The following BAHCC1 variants were observed in gnomAD, a reference collection of about 807,000 sequenced individuals.
The protein encoded by BAHCC1 is BAH and coiled-coil domain-containing protein 1.
BAHCC1 carries 43 observed loss-of-function variants against 88.2 expected under a neutral mutation model. The observed-to-expected ratio is 0.49, with a 90% confidence interval of 0.38 to 0.63. The LOEUF is 0.63. Ranked by LOEUF, BAHCC1 falls within the 20% of genes least tolerant of loss-of-function variation. BAHCC1 has a pLI of 0.00. For missense variants in BAHCC1, 3,023 were observed against 1,654.8 expected (o/e 1.83, Z -14.34); for synonymous variants, 1,510 against 745.5 (o/e 2.03, Z -16.71).
chr17:81,426,020 G>T (rs1375757753), intron 2 of BAHCC1, among the ~76,000 whole-genome samples: 4 of 147,824 alleles, frequency 2.7e-5, no homozygotes, highest in Non-Finnish European at 6.0e-5. Context: ...GTGATGGTGG[G>T]TGATGTGGTT....
At chr17:81,410,015 TG>T in intron 2 of BAHCC1, 1 of 268,762 alleles carries the variant, frequency 3.7e-6, no homozygotes, top group Non-Finnish European at 8.0e-6. Flanking sequence ...TGGGGATCGG[TG>T]GCCCCTGCTC....
intron 3 of BAHCC1, among the ~76,000 whole-genome samples, chr17:81,433,664 C>T (rs1396073206): frequency 6.7e-6 from 1 of 148,958 alleles, no homozygotes; most frequent in African/African-American, 2.5e-5. Context: ...GTCATCAGTC[C>T]ACCGAGGCCC....
chr17:81,447,711 A>G lies in BAHCC1; in HGVS notation c.3839A>G (p.Asp1280Gly). The G allele has an allele frequency of 2.7e-6, 2 of 734,360 alleles. No individual in the cohort carries two copies. 45.5% of individuals were successfully genotyped at this position (734,360 alleles called of 1,614,324 possible). Residue 1280 changes from aspartate to glycine, a missense_variant, in exon 11 of 28, where the codon GAC becomes GGC. Physicochemically the swap from Asp to Gly is moderately conservative, Grantham distance 94. Coordinates refer to ENST00000675386, the MANE Select transcript of BAHCC1 (RefSeq NM_001377448.1). ...LGDLPSDSPP[D>G]PQPPAASGPP... ...GACCTGCCCAGCGACAGCCCACCGG[A>G]CCCTCAGCCCCCAGCGGCCTCTGGG... is the stretch of plus-strand genomic sequence containing the variant.
chr17:81,419,701 C>T (rs1279168337), intron 2 of BAHCC1, among the ~76,000 whole-genome samples: 7 of 151,538 alleles, frequency 4.6e-5, no homozygotes, highest in Non-Finnish European at 8.8e-5. Flanking sequence ...GCCAGCAGCC[C>T]GGCAGCTGGG....
At chr17:81,404,069 C>T (rs1555646511) in intron 2 of BAHCC1, among the ~76,000 whole-genome samples, 1 of 152,202 alleles carries the variant, frequency 6.6e-6, no homozygotes, top group African/African-American at 2.4e-5. Context: ...AAACGTTCCC[C>T]GGTTATTCTT....
chr17:81,459,627 G>A lies in BAHCC1; in HGVS notation c.5905+23G>A, dbSNP rs781913940. The A allele has an allele frequency of 3.9e-5, 30 of 779,138 alleles. 1 individual carries two copies. Among genetic ancestry groups the A allele is most frequent in the South Asian group, 3.6e-4 (27 of 74,596 alleles). The allele number at this position is 779,138 out of a possible 1,614,324, so 48.3% of individuals were successfully genotyped here. Reference sequence around the variant, plus strand: ...GGGGTAAGTTGCACCCAAAGCGGGGGCTGGGGCAGGCCCCTCTGAGACCCA... The same window carrying A: ...GGGGTAAGTTGCACCCAAAGCGGGGACTGGGGCAGGCCCCTCTGAGACCCA... On this transcript the variant is annotated intron_variant, in intron 23 of 27. Coordinates refer to ENST00000675386, the MANE Select transcript of BAHCC1 (RefSeq NM_001377448.1).
At chr17:81,452,995 C>G in intron 14 of BAHCC1, 144 bp downstream of exon 14, 1 of 566,640 alleles carries the variant, frequency 1.8e-6, no homozygotes, top group Non-Finnish European at 3.1e-6. Flanking sequence ...CCTGCCCTTC[C>G]TAGACCATCG....
In BAHCC1 at chr17:81,463,027, G is replaced by A. The variant is rs1363324740; in HGVS notation, c.7620+51G>A. 6.6e-6 allele frequency: 5 copies of A among 751,932 alleles called. No individual in the cohort carries two copies. In the East Asian group the frequency reaches 7.3e-5, roughly 11 times the overall value. The allele number at this position is 751,932 out of a possible 1,614,324, so 46.6% of individuals were successfully genotyped here. On this transcript the variant is annotated intron_variant, in intron 27 of 27. Coordinates refer to ENST00000675386, the MANE Select transcript of BAHCC1 (RefSeq NM_001377448.1). ...CAGCCCCCCTCGGGGCCCCAGGGAG[G>A]GGACACGACAGCAGCCAGCACTGTG...
In BAHCC1 at chr17:81,463,890, G is replaced by C. The variant is rs868950373; in HGVS notation, c.*73G>C. On this transcript the variant is annotated 3_prime_UTR_variant, in exon 28 of 28. Transcript: ENST00000675386. ...GGAGCCTGGCGTCGGCCAAGCCACC[G>C]GGCAGGAGGCAGCCCCGGCCTCCCA... 14 of 688,278 alleles carry C rather than the reference G, an allele frequency of 2.0e-5. No homozygotes were observed. Among genetic ancestry groups the C allele is most frequent in the Non-Finnish European group, 3.2e-5 (12 of 375,724 alleles). 42.6% of individuals were successfully genotyped at this position (688,278 alleles called of 1,614,324 possible).
At chr17:81,430,867 G>A (rs1218153478) in intron 3 of BAHCC1, among the ~76,000 whole-genome samples, 1 of 152,062 alleles carries the variant, frequency 6.6e-6, no homozygotes, top group Admixed American at 6.5e-5. Flanking sequence ...CCACATCTAT[G>A]TGGGGGGTGT....
chr17:81,454,558 A>G (rs9908816), intron 14 of BAHCC1, among the ~76,000 whole-genome samples: 87,663 of 130,856 alleles, frequency 0.67, 26,610 homozygotes, highest in Admixed American at 0.7. Flanking sequence ...CACCCCACCC[A>G]CCTGCCCCTA....
At chr17:81,417,275 G>T (rs559863507) in intron 2 of BAHCC1, among the ~76,000 whole-genome samples, 1 of 152,266 alleles carries the variant, frequency 6.6e-6, no homozygotes, top group African/African-American at 2.4e-5. Context: ...GGGGGGCGGC[G>T]CCGAGGGAGT....
intron 2 of BAHCC1, chr17:81,421,988 C>T: frequency 2.6e-6 from 1 of 382,792 alleles, no homozygotes; most frequent in Non-Finnish European, 5.1e-6. Context: ...GGGCCGGGGT[C>T]TCGGGTGACT....
At chr17:81,424,920 G>GA (rs2064157801) in intron 2 of BAHCC1, among the ~76,000 whole-genome samples, 1 of 150,792 alleles carries the variant, frequency 6.6e-6, no homozygotes, top group African/African-American at 2.4e-5. Context: ...TGTGGTTGGT[G>GA]TGATGTGGTT....
intron 2 of BAHCC1, among the ~76,000 whole-genome samples, 156 bp downstream of exon 2, chr17:81,400,073 C>T (rs1230841041): frequency 6.6e-6 from 1 of 152,076 alleles, no homozygotes; most frequent in Non-Finnish European, 1.5e-5. Context: ...CGCGTCCCGC[C>T]AGCCCCCCAA....
intron 16 of BAHCC1, 29 bp from the exon 17 acceptor site, chr17:81,457,381 T>A: frequency 2.7e-6 from 2 of 751,244 alleles, no homozygotes; most frequent in South Asian, 1.4e-5. Context: ...TACCATCAAG[T>A]CATCAGGACC....
chr17:81,439,547 G>A (rs1258387832), intron 4 of BAHCC1, among the ~76,000 whole-genome samples: 4 of 151,978 alleles, frequency 2.6e-5, no homozygotes, highest in East Asian at 1.9e-4. Flanking sequence ...GACACACGGG[G>A]TGGGGTCAGT....
At chr17:81,437,185 C>T (rs1177627935) in intron 3 of BAHCC1, among the ~76,000 whole-genome samples, 22 of 152,224 alleles carry the variant, frequency 1.4e-4, no homozygotes, top group African/African-American at 4.3e-4. Context: ...GCGTTCATTC[C>T]GGCAGGTTGA....
rs1347499123 is a variant in BAHCC1, at chr17:81,447,797, G to A, written c.3925G>A (p.Glu1309Lys). 1 of 752,080 alleles carries A rather than the reference G, an allele frequency of 1.3e-6. No individual in the cohort carries two copies. Among genetic ancestry groups the A allele is most frequent in the Non-Finnish European group, 2.5e-6 (1 of 404,360 alleles). 46.6% of individuals were successfully genotyped at this position (752,080 alleles called of 1,614,324 possible). A position where few individuals can be genotyped will look rare whatever the true frequency, so the allele number is the denominator to read the frequency against. Residue 1309 changes from glutamate (E) to lysine (K), a missense_variant, in exon 11 of 28, where the codon GAG becomes AAG. By Grantham distance (56) the Glu-to-Lys change is moderately conservative (BLOSUM62 1). Coordinates refer to ENST00000675386, the MANE Select transcript of BAHCC1 (RefSeq NM_001377448.1). ...SGIHGIALLS[E>K]LADLAIQRQR... is the part of the protein sequence containing the mutation. ...GATTCATGGGATCGCTCTGCTCAGC[G>A]AGCTGGCTGACCTGGCAATCCAGCG...
Sources: gnomAD v4.1 joint callset for allele counts (sites outside exome capture counted in the v4.1 genomes callset) on GRCh38, gnomAD v4.1.1 for gene constraint, MANE v1.5 for transcripts, NCBI Gene and HGNC (gene_info 2026-07-23, HGNC 2026-07-21) for gene names.